Variants in MUC5B observed in about 807,000 individuals in gnomAD.
MUC5B encodes the protein mucin 5B, oligomeric mucus/gel-forming, also known as mucin-5B.
MUC5B carries 116 observed loss-of-function variants against 376.9 expected under a neutral mutation model. The observed-to-expected ratio is 0.31, with a 90% confidence interval of 0.26 to 0.36. The LOEUF (loss-of-function observed/expected upper bound fraction) is 0.36. Among genes scored for constraint, MUC5B ranks in the 10% least tolerant of loss-of-function variants. The pLI is 1.00. For synonymous variants in MUC5B, 3,517 were observed against 3,390.9 expected, an observed-to-expected ratio of 1.04 and a Z score of -1.29; for missense variants, 7,165 against 7,769.9, an observed-to-expected ratio of 0.92 and a Z score of 2.93.
At chr11:1,252,267 T>C in intron 31 of MUC5B, 76 bp from the exon 32 acceptor site, 1 of 1,425,464 alleles carries the variant, frequency 7.0e-7, no homozygotes, top group Admixed American at 2.3e-5. Context: ...CGCTGACCTC[T>C]GCCTTTGCTC....
In MUC5B at chr11:1,229,786, T is replaced by C; in HGVS notation, c.1199T>C (p.Phe400Ser). 6.2e-7 allele frequency: 1 copy of C among 1,601,450 alleles called. No individual in the cohort carries two copies. Among genetic ancestry groups the C allele is most frequent in the Non-Finnish European group, 8.5e-7 (1 of 1,175,334 alleles). The change falls in exon 10 of 49, where the codon TTC (phenylalanine) becomes TCC (serine). Residue 400 changes from phenylalanine to serine, a missense_variant. Physicochemically the swap from Phe to Ser is radical, Grantham distance 155 (BLOSUM62 -2). Around this residue, in one of 31 missense-constraint regions of MUC5B, gnomAD observed 640 missense variants for 733.0 expected, o/e 0.87. Coordinates refer to ENST00000529681, the MANE Select transcript of MUC5B (RefSeq NM_002458.3). ...CGCACCTACAGCCCGGGCACCTCCT[T>C]CAACACCACCTGCAGCTCCTGGTAC... ...GGRTYSPGTS[F>S]NTTCSSCTCS...
chr11:1,246,660 C>T lies in MUC5B; in HGVS notation c.9780C>T (p.Ala3260=). 6 of 1,611,782 alleles carry T rather than the reference C, an allele frequency of 3.7e-6. No individual in the cohort carries two copies. The highest frequency in any genetic ancestry group is 1.7e-5 in the Admixed American group (1 of 59,944). The change falls in exon 31 of 49, where the codon GCC becomes GCT. Residue 3260 remains alanine (A), a synonymous_variant. Transcript: ENST00000529681. ...TRLSQTTTPT[A]TMSTATPSST... is the part of the protein sequence containing the mutation. The stretch of plus-strand genomic sequence containing the variant: ...TATCACAGACCACCACACCCACGGC[C>T]ACCATGTCCACAGCCACACCCTCCT...
At position 1,234,857 on chromosome 11, in the gene MUC5B, G is replaced by A. The variant is rs1168796553; in HGVS notation, c.2630+177G>A. ...TGCTAGGAAAGCCATGGGCCGTCCT[G>A]TGCGTCCTCTGGAAGGTGGCCCAGG... On this transcript the variant is annotated intron_variant, in intron 21 of 48. Transcript: ENST00000529681. The surrounding 1 kb of genome is among the most constrained non-coding windows in gnomAD (Gnocchi z 6.3). Among the ~76,000 whole-genome samples the A allele has an allele frequency of 6.6e-6, 1 of 152,098 alleles. No homozygotes were observed. Among genetic ancestry groups the A allele is most frequent in the Non-Finnish European group, 1.5e-5 (1 of 67,988 alleles).
At chr11:1,255,005 C>G (rs1392369080) in intron 35 of MUC5B, 36 bp from the exon 36 acceptor site, 3 of 1,546,880 alleles carry the variant, frequency 1.9e-6, no homozygotes, top group Non-Finnish European at 2.6e-6. Context: ...AAAGGCTCCC[C>G]AGATTCCAGC....
rs566279753 is a variant in MUC5B at position 1,260,870 on chromosome 11, T to G, written c.17069+142T>G. The G allele has an allele frequency of 7.3e-5, 48 of 655,190 alleles. 1 individual carries two copies. In the South Asian group the frequency reaches 8.3e-4, roughly 11 times the overall value. 40.6% of individuals were successfully genotyped at this position (655,190 alleles called of 1,614,324 possible). On this transcript the variant is annotated intron_variant, in intron 48 of 48. Transcript: ENST00000529681. ...GAGGGAAGGGGCTCCCCAGCAGGGC[T>G]CCCCCTCTCCACGTCCATTGGCAGA...
rs369978154 is a variant in MUC5B at position 1,236,957 on chromosome 11, C to T, written c.3090C>T (p.Asp1030=). 1.8e-5 allele frequency: 27 copies of T among 1,515,156 alleles called. No homozygotes were observed. In the African/African-American group the frequency reaches 2.1e-4, roughly 12 times the overall value. 93.9% of individuals were successfully genotyped at this position (1,515,156 alleles called of 1,614,324 possible). ...GRVCGLCGNF[D]DNAINDFATR... ...TCTGCGGCCTGTGCGGGAACTTCGA[C>T]GACAATGCCATCAATGACTTTGCCA... The change falls in exon 25 of 49, where the codon GAC becomes GAT. Residue 1030 remains aspartate, a synonymous_variant. Transcript: ENST00000529681.
At chr11:1,230,448 C>T (rs1861999118) in intron 11 of MUC5B, 42 bp from the exon 12 acceptor site, 2 of 1,516,572 alleles carry the variant, frequency 1.3e-6, no homozygotes, top group African/African-American at 1.4e-5. Flanking sequence ...CACCCCACAT[C>T]ATCGAGCCAG....
Position 1,226,246 on chromosome 11 carries a change from C to T in MUC5B, c.169C>T (p.Pro57Ser). 2 of 1,556,916 alleles carry T rather than the reference C, an allele frequency of 1.3e-6. No individual in the cohort carries two copies. The highest frequency in any genetic ancestry group is 1.9e-5 in the Admixed American group (1 of 52,126). The change falls in exon 3 of 49, where the codon CCA (proline) becomes TCA (serine). Residue 57 changes from proline (P) to serine (S), a missense_variant. Around this residue, in one of 31 missense-constraint regions of MUC5B, gnomAD observed 640 missense variants for 733.0 expected, o/e 0.87. Coordinates refer to ENST00000529681, the MANE Select transcript of MUC5B (RefSeq NM_002458.3). ...GCCCACCCGGCGCGTGAGCTTTGTT[C>T]CACCCGTCACTGTCTTCCCCAGCCT... ...SSPTRRVSFV[P>S]PVTVFPSLSP...
rs1327103221 is a variant in MUC5B, at chr11:1,244,697, C to A, written c.7817C>A (p.Thr2606Asn). ...PSSTPGTAHT[T>N]KVLTTTTTGF... ...TCCACCCCAGGAACAGCTCACACTA[C>A]CAAAGTGCTGACTACCACAACCACG... is the stretch of plus-strand genomic sequence containing the variant. Residue 2606 changes from threonine to asparagine, a missense_variant, in exon 31 of 49, where the codon ACC becomes AAC. Physicochemically the swap from Thr to Asn is moderately conservative, Grantham distance 65. Transcript: ENST00000529681. 1 of 1,612,926 alleles carries A rather than the reference C, an allele frequency of 6.2e-7. No individual in the cohort carries two copies. The highest frequency in any genetic ancestry group is 8.5e-7 in the Non-Finnish European group (1 of 1,179,158).
chr11:1,225,615 G>A (rs1448160755), intron 1 of MUC5B, 66 bp from the exon 2 acceptor site: 13 of 1,455,312 alleles, frequency 8.9e-6, no homozygotes, highest in South Asian at 3.7e-5. Flanking sequence ...GGCCAGGTCC[G>A]TGGTTGGGTT....
At chr11:1,252,068 C>T (rs1017213394) in intron 31 of MUC5B, among the ~76,000 whole-genome samples, 1 of 151,510 alleles carries the variant, frequency 6.6e-6, no homozygotes, top group Non-Finnish European at 1.5e-5. Context: ...TGGCCACAAT[C>T]CGTCCGCACT....
In MUC5B at chr11:1,245,917, T is replaced by C. The variant is rs1210913543; in HGVS notation, c.9037T>C (p.Ser3013Pro). ...TATTGSTAIP[S>P]STPGTAPPPK... ...AACCACTGGATCCACGGCCATCCCG[T>C]CCTCCACCCCGGGAACAGCTCCCCC... Residue 3013 changes from serine (S) to proline (P), a missense_variant, in exon 31 of 49, where the codon TCC becomes CCC. This residue lies in a region of MUC5B where 939 missense variants were observed against 770.6 expected (regional missense o/e 1.22). Transcript: ENST00000529681. 6.2e-7 allele frequency: 1 copy of C among 1,611,872 alleles called. No individual in the cohort carries two copies. Among genetic ancestry groups the C allele is most frequent in the South Asian group, 1.1e-5 (1 of 90,988 alleles).
chr11:1,260,815 G>T, intron 48 of MUC5B, 87 bp downstream of exon 48: 5 of 992,538 alleles, frequency 5.0e-6, no homozygotes, highest in Non-Finnish European at 7.7e-6. Flanking sequence ...CCTGCTCTGG[G>T]TCAGGAGGGC....
Position 1,251,704 on chromosome 11 carries a change from C to T in MUC5B, c.14824C>T (p.Pro4942Ser). Residue 4942 changes from proline to serine, a missense_variant, in exon 31 of 49, where the codon CCC becomes TCC. Coordinates refer to ENST00000529681, the MANE Select transcript of MUC5B (RefSeq NM_002458.3). ...CTTCCCCAGCTCCCACTTCTCTACT[C>T]CCTGCTTCTGCAGGGCATTTGGACA... Reference protein sequence around the residue: ...TGFPSSHFSTPCFCRAFGQFF... With the variant: ...TGFPSSHFSTSCFCRAFGQFF... 1.2e-6 allele frequency: 2 copies of T among 1,610,900 alleles called. No homozygotes were observed. The highest frequency in any genetic ancestry group is 2.2e-5 in the South Asian group (2 of 90,904).
chr11:1,228,394 G>T, intron 7 of MUC5B, 170 bp from the exon 8 acceptor site: 1 of 627,352 alleles, frequency 1.6e-6, no homozygotes, highest in Non-Finnish European at 2.7e-6. Flanking sequence ...CTCCCCAAGG[G>T]CCAAGCAGAG....
In MUC5B at chr11:1,244,839, G is replaced by A. The variant is rs200284106; in HGVS notation, c.7959G>A (p.Pro2653=). The A allele has an allele frequency of 1.4e-4, 231 of 1,613,130 alleles. 2 individuals are homozygous for A. Among genetic ancestry groups the A allele is most frequent in the Middle Eastern group, 1.7e-4 (1 of 6,048 alleles). The change falls in exon 31 of 49, where the codon CCG becomes CCA. Residue 2653 remains proline, a synonymous_variant. Transcript: ENST00000529681. The part of the protein sequence containing the change: ...RGSTVTPSSI[P]GTTHTPTVLT... ...CCACGGTGACCCCCTCCTCCATCCC[G>A]GGGACCACCCACACCCCCACAGTGC...
At position 1,232,512 on chromosome 11, in the gene MUC5B, C is replaced by T; in HGVS notation, c.1906C>T (p.His636Tyr). The T allele has an allele frequency of 6.2e-7, 1 of 1,611,314 alleles. No individual in the cohort carries two copies. Among genetic ancestry groups the T allele is most frequent in the Non-Finnish European group, 8.5e-7 (1 of 1,179,266 alleles). ...TDPNSAFSRC[H>Y]SIINPKPFHS... ...TCCCAACAGTGCCTTCTCGCGCTGC[C>T]ACTCCATCATCAACCCCAAGCCCTT... The change falls in exon 16 of 49, where the codon CAC (histidine) becomes TAC (tyrosine). Residue 636 changes from histidine to tyrosine, a missense_variant. This residue lies in a region of MUC5B where 530 missense variants were observed against 604.0 expected (regional missense o/e 0.88). Coordinates refer to ENST00000529681, the MANE Select transcript of MUC5B (RefSeq NM_002458.3).
chr11:1,243,628 C>G lies in MUC5B; in HGVS notation c.6748C>G (p.Pro2250Ala). Residue 2250 changes from proline (P) to alanine (A), a missense_variant, in exon 31 of 49, where the codon CCA (proline) becomes GCA (alanine). By Grantham distance (27) the Pro-to-Ala change is conservative (BLOSUM62 -1). Around this residue, in one of 31 missense-constraint regions of MUC5B, gnomAD observed 79 missense variants for 63.0 expected, o/e 1.25. Transcript: ENST00000529681. ...CACCGGTACCACCCAGCACTCGACT[C>G]CAGCCCTTTCCAGCCCTCACCCTAG... ...ATTGTTQHSTPALSSPHPSSR... is the reference protein window; with the variant it reads ...ATTGTTQHSTAALSSPHPSSR... 1.9e-6 allele frequency: 3 copies of G among 1,610,692 alleles called. No homozygotes were observed. The East Asian group carries it at 6.7e-5, about 36-fold the overall frequency.
At chr11:1,254,601 C>T in intron 34 of MUC5B, 93 bp from the exon 35 acceptor site, 1 of 1,364,078 alleles carries the variant, frequency 7.3e-7, no homozygotes, top group Non-Finnish European at 9.9e-7. Flanking sequence ...AGGGGGGTCT[C>T]TGCACATGGA....
Sources: gnomAD v4.1 joint callset for allele counts (sites outside exome capture counted in the v4.1 genomes callset) on GRCh38, gnomAD v4.1.1 for gene constraint, gnomAD v4.1.1 regional missense constraint, Gnocchi (gnomAD v3.1) non-coding constraint, MANE v1.5 for transcripts, NCBI Gene and HGNC (gene_info 2026-07-23, HGNC 2026-07-21) for gene names.